The following SLC22A15 variants were observed in gnomAD, a reference collection of about 807,000 sequenced individuals.
The protein encoded by SLC22A15 is solute carrier family 22 member 15.
Under a neutral mutation model 62.7 loss-of-function variants are expected in SLC22A15, and 45 were observed. The ratio of observed to expected loss-of-function variants is 0.72; its 90% CI spans 0.56 to 0.92. The LOEUF is 0.92. Ranked by LOEUF, SLC22A15 falls within the 40% of genes least tolerant of loss-of-function variation. The pLI is 0.00. For missense variants in SLC22A15, 622 were observed against 665.6 expected (o/e 0.93, Z 0.72); for synonymous variants, 264 against 267.0 (o/e 0.99, Z 0.11).
chr1:115,995,716 C>T (rs1392289206), intron 2 of SLC22A15, among the ~76,000 whole-genome samples: 2 of 152,120 alleles, frequency 1.3e-5, no homozygotes, highest in Non-Finnish European at 2.9e-5. Flanking sequence ...GATTCCTATT[C>T]TTTTCAATGA....
At chr1:116,045,338 C>T (rs1042446639) in intron 8 of SLC22A15, among the ~76,000 whole-genome samples, 1 of 152,050 alleles carries the variant, frequency 6.6e-6, no homozygotes, top group East Asian at 1.9e-4. Context: ...TGAGCCACCA[C>T]GCCTGGCCAA....
rs773007734 is a variant in SLC22A15 at position 116,031,585 on chromosome 1, A to G, written c.944+4A>G. On this transcript the variant is annotated splice_donor_region_variant and intron_variant, in intron 6 of 11. Transcript: ENST00000369503. ...CTTTGATCCTGATGTTCATCTGGTA[A>G]TTATACTAAGGCGTGTTCTGTTGCT... is the stretch of plus-strand genomic sequence containing the variant. 11 of 1,612,944 alleles carry G rather than the reference A, an allele frequency of 6.8e-6. No individual in the cohort carries two copies. The South Asian group carries it at 1.2e-4, about 18-fold the overall frequency.
chr1:116,051,531 A>T (rs1658048783), intron 8 of SLC22A15, among the ~76,000 whole-genome samples: 1 of 152,224 alleles, frequency 6.6e-6, no homozygotes, highest in Non-Finnish European at 1.5e-5. Flanking sequence ...ATGAAATTGC[A>T]TACTCATTTC....
intron 2 of SLC22A15, among the ~76,000 whole-genome samples, chr1:116,002,765 G>A (rs1244482842): frequency 6.6e-6 from 1 of 152,052 alleles, no homozygotes; most frequent in Non-Finnish European, 1.5e-5. Context: ...TCTGTCCCAG[G>A]ATGGGTTTAG....
intron 1 of SLC22A15, among the ~76,000 whole-genome samples, chr1:115,979,038 G>A (rs1016272141): frequency 6.6e-6 from 1 of 152,196 alleles, no homozygotes; most frequent in African/African-American, 2.4e-5. Context: ...AACCCCAGCT[G>A]AGAGGCACAA....
chr1:116,069,492 T>C lies in SLC22A15; in HGVS notation c.*2384T>C, dbSNP rs1257350328. 1 of 152,070 alleles carries C rather than the reference T, an allele frequency of 6.6e-6. No homozygotes were observed. The highest frequency in any genetic ancestry group is 1.5e-5 in the Non-Finnish European group (1 of 67,998). The allele number at this position is 152,070 out of a possible 1,614,324, so 9.4% of individuals were successfully genotyped here. A position where few individuals can be genotyped will look rare whatever the true frequency, so the allele number is the denominator to read the frequency against. On this transcript the variant is annotated 3_prime_UTR_variant, in exon 12 of 12. Coordinates refer to ENST00000369503, the MANE Select transcript of SLC22A15 (RefSeq NM_018420.3). The stretch of plus-strand genomic sequence containing the variant: ...TCTATTCAAAATTAAAAATTTTTTT[T>C]CCTAAAATAAAGCAAGAAAAATAAA...
chr1:116,026,143 G>A (rs1204402395), intron 4 of SLC22A15, among the ~76,000 whole-genome samples: 1 of 152,176 alleles, frequency 6.6e-6, no homozygotes, highest in East Asian at 1.9e-4. Context: ...GCTGGGCAAG[G>A]TGGCTCACGC....
intron 2 of SLC22A15, among the ~76,000 whole-genome samples, chr1:116,003,598 G>C (rs1376160814): frequency 1.3e-5 from 2 of 152,142 alleles, no homozygotes; most frequent in African/African-American, 4.8e-5. Flanking sequence ...TGGTGTGAAG[G>C]GACTCACTGA....
chr1:116,024,816 C>T (rs1689147), intron 4 of SLC22A15, among the ~76,000 whole-genome samples: 6,655 of 152,170 alleles, frequency 0.044, 187 homozygotes, highest in African/African-American at 0.069. Flanking sequence ...GGCCTCTGAT[C>T]GGCTCAGCTG....
intron 11 of SLC22A15, 27 bp downstream of exon 11, chr1:116,066,735 C>T (rs778960362): frequency 2.5e-6 from 4 of 1,577,652 alleles, no homozygotes; most frequent in Non-Finnish European, 3.4e-6. Flanking sequence ...AATTATTATA[C>T]CGCTTGGATA....
In SLC22A15 at chr1:116,035,289, A is replaced by G. The variant is rs573010885; in HGVS notation, c.1047A>G (p.Pro349=). The part of the protein sequence containing the change: ...NLALSGLIEI[P]SYPLCIYLIN... Reference sequence around the variant, plus strand: ...CCCTGTCTGGCCTCATAGAGATTCCATCTTACCCTCTCTGTATCTACTTGA... The same window carrying G: ...CCCTGTCTGGCCTCATAGAGATTCCGTCTTACCCTCTCTGTATCTACTTGA... Residue 349 remains proline, a synonymous_variant, in exon 7 of 12, where the codon CCA becomes CCG. Coordinates refer to ENST00000369503, the MANE Select transcript of SLC22A15 (RefSeq NM_018420.3). 32 of 1,613,220 alleles carry G rather than the reference A, an allele frequency of 2.0e-5. No homozygotes were observed. The highest frequency in any genetic ancestry group is 2.5e-5 in the Non-Finnish European group (29 of 1,179,516).
chr1:116,004,273 G>T (rs1347361478), intron 2 of SLC22A15, among the ~76,000 whole-genome samples: 1 of 152,162 alleles, frequency 6.6e-6, no homozygotes, highest in Non-Finnish European at 1.5e-5. Flanking sequence ...CAAGCCCCTG[G>T]TGTTTTGGTA....
intron 1 of SLC22A15, among the ~76,000 whole-genome samples, chr1:115,987,252 G>A (rs1654918022): frequency 2.0e-5 from 3 of 148,664 alleles, no homozygotes; most frequent in South Asian, 2.1e-4. Context: ...TGCAAGCTCC[G>A]CCTCCCGGGT....
chr1:116,063,009 A>AG lies in SLC22A15; in HGVS notation c.1292+128dup, dbSNP rs1463683271. On this transcript the variant is annotated intron_variant, in intron 9 of 11. Transcript: ENST00000369503. Reference sequence around the variant, plus strand: ...AGTTTGGGGCAGCAGTAATTCAGCAAGCAGTTTAGGGTGAGAGCTTGCCTT... The same window carrying AG: ...AGTTTGGGGCAGCAGTAATTCAGCAAGGCAGTTTAGGGTGAGAGCTTGCCTT... 3 of 1,264,634 alleles carry AG rather than the reference A, an allele frequency of 2.4e-6. No individual in the cohort carries two copies. The African/African-American group carries it at 4.4e-5, about 19-fold the overall frequency. The allele number at this position is 1,264,634 out of a possible 1,614,324, so 78.3% of individuals were successfully genotyped here.
chr1:115,988,279 G>A (rs1233149504), intron 1 of SLC22A15, among the ~76,000 whole-genome samples: 1 of 152,186 alleles, frequency 6.6e-6, no homozygotes, highest in East Asian at 1.9e-4. Flanking sequence ...GCAAAAATAT[G>A]TGGGTGAATG....
At chr1:116,024,758 C>T (rs1657007881) in intron 4 of SLC22A15, among the ~76,000 whole-genome samples, 1 of 152,152 alleles carries the variant, frequency 6.6e-6, no homozygotes, top group African/African-American at 2.4e-5. Flanking sequence ...TGCATAGTCA[C>T]AGACAGGGCC....
chr1:116,020,555 C>CA (rs139492497), intron 3 of SLC22A15, among the ~76,000 whole-genome samples, 166 bp from the exon 4 acceptor site: 2,884 of 120,688 alleles, frequency 0.024, 38 homozygotes, highest in Middle Eastern at 0.082. Flanking sequence ...GACTCCATCT[C>CA]AAAAAAAAAA....
rs747637098 is a variant in SLC22A15 at position 115,992,167 on chromosome 1, G to T, written c.224G>T (p.Trp75Leu). 1 of 1,612,620 alleles carries T rather than the reference G, an allele frequency of 6.2e-7. No individual in the cohort carries two copies. Among genetic ancestry groups the T allele is most frequent in the Admixed American group, 1.7e-5 (1 of 59,814 alleles). ...GGTGAAGACCAGGCCTTTGGGGACT[G>T]GCTCCTGACAGCCAACGGCAGTGAG... ...SAGEDQAFGD[W>L]LLTANGSEIH... Residue 75 changes from tryptophan to leucine, a missense_variant, in exon 2 of 12, where the codon TGG becomes TTG. Physicochemically the swap from Trp to Leu is moderately conservative, Grantham distance 61 (BLOSUM62 -2). Coordinates refer to ENST00000369503, the MANE Select transcript of SLC22A15 (RefSeq NM_018420.3).
chr1:116,053,188 C>T (rs1658108639), intron 8 of SLC22A15, among the ~76,000 whole-genome samples: 1 of 152,050 alleles, frequency 6.6e-6, no homozygotes, highest in Admixed American at 6.5e-5. Flanking sequence ...ACTAGAATAA[C>T]CAATACAGAG....
Sources: gnomAD v4.1 joint callset for allele counts (sites outside exome capture counted in the v4.1 genomes callset) on GRCh38, gnomAD v4.1.1 for gene constraint, MANE v1.5 for transcripts, NCBI Gene and HGNC (gene_info 2026-07-23, HGNC 2026-07-21) for gene names.